TENM2: variants seen among roughly 807,000 people sequenced by gnomAD.
TENM2 encodes the protein teneurin-2.
TENM2 carries 52 observed loss-of-function variants against 245.2 expected under a neutral mutation model. The observed-to-expected ratio is 0.21, with a 90% CI of 0.17 to 0.27. The LOEUF (loss-of-function observed/expected upper bound fraction) is 0.27. Among genes scored for constraint, TENM2 ranks in the 10% least tolerant of loss-of-function variants. TENM2 has a pLI of 1.00. For missense variants in TENM2, 3,046 were observed against 3,666.8 expected (o/e 0.83, Z 4.37); for synonymous variants, 1,363 against 1,438.9 (o/e 0.95, Z 1.19).
In TENM2 at chr5:167,857,761, G is replaced by T. The variant is rs539159823; in HGVS notation, c.503-18225G>T. ...TTACACATACTGCATTAAAATTATA[G>T]ATTTATAGTCCATTTATATCATTTT... On this transcript the variant is annotated intron_variant, in intron 2 of 28. Coordinates refer to ENST00000518659, the Ensembl canonical transcript of TENM2. Among the ~76,000 whole-genome samples the T allele has an allele frequency of 2.0e-5, 3 of 152,236 alleles. No homozygotes were observed. The East Asian group carries it at 5.8e-4, about 29-fold the overall frequency.
intron 5 of TENM2, among the ~76,000 whole-genome samples, chr5:167,994,764 G>C (rs1783927502): frequency 1.3e-5 from 2 of 152,132 alleles, no homozygotes; most frequent in Admixed American, 6.5e-5. Context: ...TGAGGCCTGA[G>C]ACCCAAGCAC....
chr5:167,662,732 A>C (rs2150326994), intron 2 of TENM2, among the ~76,000 whole-genome samples: 1 of 152,220 alleles, frequency 6.6e-6, no homozygotes, highest in Middle Eastern at 3.4e-3. Context: ...CCCTGGGATA[A>C]ATTTTTACCT....
At chr5:167,259,747 T>A in the TENM2 span, among the ~76,000 whole-genome samples, 13 of 152,164 alleles carry the variant, frequency 8.5e-5, no homozygotes, top group Admixed American at 3.3e-4. Flanking sequence ...TCTCCTCGTA[T>A]CCCCAGGCCC....
chr5:167,374,511 T>G (rs1430049270), intron 1 of TENM2, among the ~76,000 whole-genome samples: 1 of 152,090 alleles, frequency 6.6e-6, no homozygotes, highest in African/African-American at 2.4e-5. Flanking sequence ...CTGAGAAAAT[T>G]TTAAGAGATA....
At chr5:167,247,227 C>T in the TENM2 span, among the ~76,000 whole-genome samples, 1 of 152,100 alleles carries the variant, frequency 6.6e-6, no homozygotes, top group African/African-American at 2.4e-5. Flanking sequence ...AGGAACTGCT[C>T]AAGGTCATCC....
At chr5:168,159,226 T>C (rs1295369377) in intron 12 of TENM2, among the ~76,000 whole-genome samples, 2 of 152,246 alleles carry the variant, frequency 1.3e-5, no homozygotes, top group East Asian at 3.9e-4. Flanking sequence ...AAAATTGCCT[T>C]AGTTGAGAAC....
At chr5:167,560,351 G>A (rs1003069113) in intron 2 of TENM2, among the ~76,000 whole-genome samples, 12 of 135,392 alleles carry the variant, frequency 8.9e-5, no homozygotes, top group African/African-American at 2.5e-4. Flanking sequence ...GACAGTTGAG[G>A]GCAAGCATCG....
intron 3 of TENM2, among the ~76,000 whole-genome samples, chr5:167,885,154 C>T (rs1774184478): frequency 6.6e-6 from 1 of 152,042 alleles, no homozygotes; most frequent in African/African-American, 2.4e-5. Flanking sequence ...ATACCAATTG[C>T]TTATCAGATA....
At chr5:167,641,280 G>C (rs1282898723) in intron 2 of TENM2, among the ~76,000 whole-genome samples, 1 of 152,032 alleles carries the variant, frequency 6.6e-6, no homozygotes, top group Non-Finnish European at 1.5e-5. Context: ...ATGGCAGAAG[G>C]CTCGCAGAAC....
the TENM2 span, among the ~76,000 whole-genome samples, chr5:167,123,466 C>G: frequency 4.6e-5 from 7 of 152,230 alleles, no homozygotes; most frequent in Non-Finnish European, 8.8e-5. Flanking sequence ...TGATTTTCCT[C>G]TCTTCTGTTG....
chr5:168,198,848 T>G lies in TENM2; in HGVS notation c.2901-5T>G, dbSNP rs1168433841. ...CCCTCATCAGCTCATTTACTCCCTC[T>G]CCAGGTTCGACCTGATCGCAAATGG... On this transcript the variant is annotated splice_polypyrimidine_tract_variant and splice_region_variant and intron_variant, in intron 15 of 28. Coordinates refer to ENST00000518659, the Ensembl canonical transcript of TENM2. 1 of 1,612,304 alleles carries G rather than the reference T, an allele frequency of 6.2e-7. No homozygotes were observed. The highest frequency in any genetic ancestry group is 1.3e-5 in the African/African-American group (1 of 74,900).
chr5:167,131,539 G>A, the TENM2 span, among the ~76,000 whole-genome samples: 2 of 152,076 alleles, frequency 1.3e-5, no homozygotes, highest in South Asian at 2.1e-4. Context: ...AGGGTGAAAG[G>A]CCAGCCAGCT....
chr5:167,350,702 A>G lies in TENM2; in HGVS notation c.227-24496A>G, dbSNP rs991866912. Among the ~76,000 whole-genome samples, 17 of 144,322 alleles carry G rather than the reference A, an allele frequency of 1.2e-4. 1 individual carries two copies. Among genetic ancestry groups the G allele is most frequent in the Admixed American group, 2.8e-4 (4 of 14,230 alleles). The allele number at this position is 144,322 out of a possible 152,430, so 94.7% of individuals were successfully genotyped here. On this transcript the variant is annotated intron_variant, in intron 1 of 28. Coordinates refer to ENST00000518659, the Ensembl canonical transcript of TENM2. ...GGATATATATATATGGGATACATAT[A>G]TGGATATATATATATGGGATATATA...
At chr5:168,035,803 A>T (rs987712365) in intron 5 of TENM2, among the ~76,000 whole-genome samples, 20 of 152,198 alleles carry the variant, frequency 1.3e-4, no homozygotes, top group African/African-American at 3.9e-4. Context: ...CTTATAAATT[A>T]AAACCCGGCA....
intron 16 of TENM2, 111 bp from the exon 19 acceptor site, chr5:168,199,753 C>T (rs1761770020): frequency 5.0e-6 from 6 of 1,191,164 alleles, no homozygotes; most frequent in Non-Finnish European, 4.7e-6. Context: ...CTTGCACCCA[C>T]ATAAGATGTG....
intron 3 of TENM2, among the ~76,000 whole-genome samples, chr5:167,948,044 A>G (rs547337791): frequency 6.6e-6 from 1 of 152,312 alleles, no homozygotes; most frequent in Non-Finnish European, 1.5e-5. Context: ...ATTTAGGCAG[A>G]ATGCAACAAC....
At chr5:167,410,476 C>T (rs1003304706) in intron 2 of TENM2, among the ~76,000 whole-genome samples, 2 of 151,716 alleles carry the variant, frequency 1.3e-5, no homozygotes, top group Non-Finnish European at 2.9e-5. Context: ...CTCTGCAACT[C>T]ATTTATAAAA....
chr5:167,234,320 C>A, the TENM2 span, among the ~76,000 whole-genome samples: 1 of 152,108 alleles, frequency 6.6e-6, no homozygotes, highest in Non-Finnish European at 1.5e-5. Context: ...TACTCTTCTT[C>A]GCTCTAACTG....
the TENM2 span, among the ~76,000 whole-genome samples, chr5:167,184,102 G>A: frequency 6.6e-6 from 1 of 152,124 alleles, no homozygotes; most frequent in African/African-American, 2.4e-5. Flanking sequence ...ATTACTTGGT[G>A]TTTTCAAAGA....
Sources: gnomAD v4.1 joint callset for allele counts (sites outside exome capture counted in the v4.1 genomes callset) on GRCh38, gnomAD v4.1.1 for gene constraint, MANE v1.5 for transcripts, NCBI Gene and HGNC (gene_info 2026-07-23, HGNC 2026-07-21) for gene names.